The following RBKS variants were observed in gnomAD, a reference collection of about 807,000 sequenced individuals.
The protein encoded by RBKS is ribokinase.
Under a neutral mutation model 33.9 loss-of-function variants are expected in RBKS, and 33 were observed. The ratio of observed to expected loss-of-function variants is 0.97; its 90% CI spans 0.74 to 1.30. RBKS has a LOEUF of 1.30. Among genes scored for constraint, RBKS ranks in the 50% most tolerant of loss-of-function variants. RBKS has a pLI of 0.00. For missense variants in RBKS, 361 were observed against 392.6 expected, an observed-to-expected ratio of 0.92 and a Z score of 0.68; for synonymous variants, 125 against 143.0, an observed-to-expected ratio of 0.87 and a Z score of 0.90.
chr2:27,825,467 T>C (rs1017454188), intron 7 of RBKS, among the ~76,000 whole-genome samples: 3 of 152,238 alleles, frequency 2.0e-5, no homozygotes, highest in Non-Finnish European at 4.4e-5. Flanking sequence ...CAATTAATAG[T>C]TCATCTTCAA....
chr2:27,859,647 C>A (rs1042309632), intron 1 of RBKS, among the ~76,000 whole-genome samples: 3 of 151,964 alleles, frequency 2.0e-5, no homozygotes, highest in African/African-American at 7.3e-5. Context: ...TAGCTGGCCA[C>A]AGAGAAGTGG....
rs562873700 is a variant in RBKS at position 27,831,753 on chromosome 2, TC to T, written c.606+932del. Among the ~76,000 whole-genome samples, 73 of 151,736 alleles carry T rather than the reference TC, an allele frequency of 4.8e-4. No individual in the cohort carries two copies. The East Asian group carries it at 0.014, about 29-fold the overall frequency. ...GATTAGCCTAGGCAACATGGCGAAA[TC>T]CCGTCTCTACACAAAATAAAAAAAT... On this transcript the variant is annotated intron_variant, in intron 6 of 7. Transcript: ENST00000302188.
chr2:27,810,137 T>A lies in RBKS; in HGVS notation c.795+17430A>T. 1 of 1,277,914 alleles carries A rather than the reference T, an allele frequency of 7.8e-7. No individual in the cohort carries two copies. Among genetic ancestry groups the A allele is most frequent in the South Asian group, 1.3e-5 (1 of 78,040 alleles). The allele number at this position is 1,277,914 out of a possible 1,614,324, so 79.2% of individuals were successfully genotyped here. On this transcript the variant is annotated intron_variant, in intron 7 of 7. Transcript: ENST00000302188. This position sits in a 1 kb window ranked among gnomAD's most constrained non-coding sequence, Gnocchi z 4.4. ...GATGATTCACAACCAACTGTGTATG[T>A]CTTGGCTGGTGCACCTGGTATATTT... is the stretch of plus-strand genomic sequence containing the variant.
At chr2:27,874,449 G>A (rs1664274640) in intron 1 of RBKS, among the ~76,000 whole-genome samples, 1 of 152,126 alleles carries the variant, frequency 6.6e-6, no homozygotes, top group Non-Finnish European at 1.5e-5. Context: ...TGTCCTGGGC[G>A]GAACTCACAT....
Position 27,882,759 on chromosome 2 carries a change from G to A in RBKS, c.89+7498C>T, listed in dbSNP as rs150271252. Among the ~76,000 whole-genome samples, 968 of 152,234 alleles carry A rather than the reference G, an allele frequency of 6.4e-3. 7 individuals are homozygous for A. Among genetic ancestry groups the A allele is most frequent in the Non-Finnish European group, 7.9e-3 (538 of 68,010 alleles). On this transcript the variant is annotated intron_variant, in intron 1 of 7. Coordinates refer to ENST00000302188, the MANE Select transcript of RBKS (RefSeq NM_022128.3). ...ATACTACACAGTTGTTAAAAAGAAC[G>A]ACATCATGTACTTTGCCAGAACATG...
At chr2:27,801,178 CAG>C in intron 7 of RBKS, among the ~76,000 whole-genome samples, 1 of 152,232 alleles carries the variant, frequency 6.6e-6, no homozygotes, top group East Asian at 1.9e-4. Context: ...GGTGCAGGAA[CAG>C]TGTGATTTTG....
intron 7 of RBKS, among the ~76,000 whole-genome samples, chr2:27,822,386 C>A (rs1678229271): frequency 6.6e-6 from 1 of 152,064 alleles, no homozygotes; most frequent in African/African-American, 2.4e-5. Flanking sequence ...AATGATGGCC[C>A]CTCAGATGCT....
At chr2:27,872,654 A>G (rs959787902) in intron 1 of RBKS, among the ~76,000 whole-genome samples, 2 of 152,246 alleles carry the variant, frequency 1.3e-5, no homozygotes, top group African/African-American at 2.4e-5. Flanking sequence ...AAGTCTAAGT[A>G]TAACCAATAA....
intron 7 of RBKS, among the ~76,000 whole-genome samples, chr2:27,788,504 G>A (rs1461354777): frequency 6.6e-6 from 1 of 152,116 alleles, no homozygotes; most frequent in African/African-American, 2.4e-5. Flanking sequence ...AGGAGATCGA[G>A]ACCATCCTGG....
intron 1 of RBKS, among the ~76,000 whole-genome samples, chr2:27,876,894 G>A (rs1426967269): frequency 1.3e-5 from 2 of 152,064 alleles, no homozygotes; most frequent in Non-Finnish European, 2.9e-5. Flanking sequence ...ATTGATAATT[G>A]CAATATTAGC....
rs1021325442 is a variant in RBKS at position 27,781,452 on chromosome 2, G to T, written c.*163C>A. On this transcript the variant is annotated 3_prime_UTR_variant, in exon 8 of 8. Coordinates refer to ENST00000302188, the MANE Select transcript of RBKS (RefSeq NM_022128.3). ...TTGTGCAAATGCATGGAAAGCAAAA[G>T]AATCATCGTTATAAATAAATTGAAG... The T allele has an allele frequency of 6.8e-6, 4 of 592,432 alleles. No individual in the cohort carries two copies. Among genetic ancestry groups the T allele is most frequent in the East Asian group, 3.0e-5 (1 of 33,684 alleles). The allele number at this position is 592,432 out of a possible 1,614,324, so 36.7% of individuals were successfully genotyped here.
chr2:27,844,585 TG>T (rs1172547248), intron 4 of RBKS, among the ~76,000 whole-genome samples: 1 of 151,758 alleles, frequency 6.6e-6, no homozygotes, highest in Non-Finnish European at 1.5e-5. Context: ...TTAGTAGAGA[TG>T]GGGTTTCACT....
chr2:27,833,362 A>C (rs916918190), intron 5 of RBKS, among the ~76,000 whole-genome samples: 1 of 152,230 alleles, frequency 6.6e-6, no homozygotes, highest in Non-Finnish European at 1.5e-5. Context: ...ACAAAAGCTT[A>C]CATTCTTGGC....
At chr2:27,801,961 A>AT (rs1386207212) in intron 7 of RBKS, among the ~76,000 whole-genome samples, 1,243 of 62,218 alleles carry the variant, frequency 0.02, 12 homozygotes, top group Non-Finnish European at 0.03. Context: ...AAAAAAAAAA[A>AT]AAATATATAT....
chr2:27,839,616 T>C (rs892892415), intron 5 of RBKS, among the ~76,000 whole-genome samples: 10 of 152,218 alleles, frequency 6.6e-5, no homozygotes, highest in African/African-American at 2.4e-4. Context: ...ATAATCTAGT[T>C]ATGCAATGTG....
Position 27,841,464 on chromosome 2 carries a change from A to G in RBKS, c.514+1603T>C, listed in dbSNP as rs953018854. Among the ~76,000 whole-genome samples, 4 of 152,272 alleles carry G rather than the reference A, an allele frequency of 2.6e-5. No individual in the cohort carries two copies. In the South Asian group the frequency reaches 6.2e-4, roughly 24 times the overall value. On this transcript the variant is annotated intron_variant, in intron 5 of 7. Transcript: ENST00000302188. ...ATGGGCACGGTGCAGAGAATGCGTA[A>G]CCATAAGCATTAGACTTTACTGTGA...
chr2:27,824,902 T>C (rs1338146980), intron 7 of RBKS, among the ~76,000 whole-genome samples: 2 of 152,158 alleles, frequency 1.3e-5, no homozygotes, highest in East Asian at 1.9e-4. Flanking sequence ...TCTAGGAGGC[T>C]GAAGTGGGTG....
At chr2:27,823,268 G>A (rs1225781522) in intron 7 of RBKS, among the ~76,000 whole-genome samples, 5 of 152,156 alleles carry the variant, frequency 3.3e-5, no homozygotes, top group African/African-American at 7.2e-5. Flanking sequence ...CTAGTACAAC[G>A]GGAAAAACAG....
chr2:27,801,993 T>TATATATATATA (rs1491282690), intron 7 of RBKS, among the ~76,000 whole-genome samples: 4 of 49,774 alleles, frequency 8.0e-5, no homozygotes, highest in African/African-American at 2.8e-4. Context: ...TATATATATA[T>TATATATATATA]TTTTTTTTTT....
Sources: gnomAD v4.1 joint callset for allele counts (sites outside exome capture counted in the v4.1 genomes callset) on GRCh38, gnomAD v4.1.1 for gene constraint, Gnocchi (gnomAD v3.1) non-coding constraint, MANE v1.5 for transcripts, NCBI Gene and HGNC (gene_info 2026-07-23, HGNC 2026-07-21) for gene names.